CFAP20: variants seen among roughly 807,000 people sequenced by gnomAD.
CFAP20 encodes cilia- and flagella-associated protein 20.
CFAP20 carries 14 observed loss-of-function variants against 25.5 expected under a neutral mutation model. The observed-to-expected ratio is 0.55, with a 90% CI of 0.36 to 0.86. The LOEUF is 0.86. Among genes scored for constraint, CFAP20 ranks in the 40% least tolerant of loss-of-function variants. CFAP20 has a pLI of 0.01. For synonymous variants in CFAP20, 75 were observed against 91.1 expected, an observed-to-expected ratio of 0.82 and a Z score of 1.01; for missense variants, 181 against 248.0, an observed-to-expected ratio of 0.73 and a Z score of 1.81.
chr16:58,125,171 CAT>C (rs1386022933), intron 1 of CFAP20, among the ~76,000 whole-genome samples: 5 of 152,150 alleles, frequency 3.3e-5, no homozygotes, highest in African/African-American at 9.7e-5. Flanking sequence ...CAAACACACA[CAT>C]GAGCCCAGGC....
intron 1 of CFAP20, among the ~76,000 whole-genome samples, chr16:58,123,405 G>A (rs1191188516): frequency 6.7e-6 from 1 of 148,532 alleles, no homozygotes; most frequent in African/African-American, 2.4e-5. Context: ...GACCATCCTG[G>A]CTAACACGGT....
chr16:58,120,071 G>GTCTT (rs1274978019), intron 1 of CFAP20, among the ~76,000 whole-genome samples: 1 of 152,154 alleles, frequency 6.6e-6, no homozygotes, highest in African/African-American at 2.4e-5. Flanking sequence ...TATTCCTCCT[G>GTCTT]TATTTTCTGT....
intron 1 of CFAP20, 39 bp downstream of exon 1, chr16:58,128,993 A>C: frequency 6.3e-7 from 1 of 1,579,492 alleles, no homozygotes; most frequent in Non-Finnish European, 8.6e-7. Flanking sequence ...GAGGGGGTGC[A>C]GCCCCTCCAC....
In CFAP20 at chr16:58,114,937, T is replaced by G. The variant is rs778131124; in HGVS notation, c.466-17A>C. 1 of 1,590,888 alleles carries G rather than the reference T, an allele frequency of 6.3e-7. No individual in the cohort carries two copies. The highest frequency in any genetic ancestry group is 1.7e-5 in the Admixed American group (1 of 59,974). On this transcript the variant is annotated splice_polypyrimidine_tract_variant and intron_variant, in intron 4 of 5. Transcript: ENST00000262498. Reference sequence around the variant, plus strand: ...TGCATGGATCTGTCAAGGCAATGCTTCTTTTGAGAGGCGAAATGTGACTGT... The same window carrying G: ...TGCATGGATCTGTCAAGGCAATGCTGCTTTTGAGAGGCGAAATGTGACTGT...
intron 1 of CFAP20, among the ~76,000 whole-genome samples, chr16:58,124,383 C>T (rs1349818467): frequency 1.3e-5 from 2 of 152,236 alleles, no homozygotes; most frequent in African/African-American, 4.8e-5. Context: ...GTACTAACTA[C>T]AGTCATGCAT....
intron 1 of CFAP20, among the ~76,000 whole-genome samples, chr16:58,120,780 G>A (rs1460993294): frequency 1.3e-5 from 2 of 152,138 alleles, no homozygotes; most frequent in African/African-American, 2.4e-5. Flanking sequence ...GAACTTGGAG[G>A]GGTCAAGGCA....
chr16:58,121,222 C>T (rs1597087977), intron 1 of CFAP20, among the ~76,000 whole-genome samples: 2 of 152,284 alleles, frequency 1.3e-5, no homozygotes, highest in African/African-American at 4.8e-5. Context: ...GGAAAGCAAC[C>T]GTCTCCTAAA....
chr16:58,117,328 T>C (rs75232027), intron 1 of CFAP20, among the ~76,000 whole-genome samples: 5,886 of 152,338 alleles, frequency 0.039, 158 homozygotes, highest in South Asian at 0.15. Context: ...ATGTGGACAT[T>C]GGCACCCCGG....
chr16:58,128,890 G>C, intron 1 of CFAP20, 142 bp downstream of exon 1: 2 of 278,090 alleles, frequency 7.2e-6, no homozygotes, highest in South Asian at 1.3e-4. Context: ...CCCCAGTCCC[G>C]CCAGGCTGGG....
chr16:58,117,454 A>G (rs541606092), intron 1 of CFAP20, among the ~76,000 whole-genome samples: 69 of 152,126 alleles, frequency 4.5e-4, no homozygotes, highest in African/African-American at 1.6e-3. Flanking sequence ...TCTGAGACGG[A>G]GTCTCGCCCT....
At chr16:58,117,093 C>CTAT in intron 1 of CFAP20, 142 bp from the exon 2 acceptor site, 1 of 669,300 alleles carries the variant, frequency 1.5e-6, no homozygotes, top group Non-Finnish European at 2.6e-6. Context: ...GTAAGCCAAG[C>CTAT]TATTACCTCT....
At chr16:58,115,080 C>A in intron 4 of CFAP20, 160 bp from the exon 5 acceptor site, 1 of 966,078 alleles carries the variant, frequency 1.0e-6, no homozygotes, top group Non-Finnish European at 1.6e-6. Flanking sequence ...GTCTTACTTG[C>A]TGTATTCACC....
In CFAP20 at chr16:58,113,768, C is replaced by T. The variant is rs533237940; in HGVS notation, c.*257G>A. 2.0e-6 allele frequency: 1 copy of T among 495,352 alleles called. No homozygotes were observed. Among genetic ancestry groups the T allele is most frequent in the East Asian group, 3.3e-5 (1 of 29,938 alleles). 30.7% of individuals were successfully genotyped at this position (495,352 alleles called of 1,614,324 possible). A position where few individuals can be genotyped will look rare whatever the true frequency, so the allele number is the denominator to read the frequency against. ...AGTTCATGGTAAAGGTATCTCCCCC[C>T]ACACTGGGGCAGGCGGCGGAATAAG... On this transcript the variant is annotated 3_prime_UTR_variant, in exon 6 of 6. Coordinates refer to ENST00000262498, the MANE Select transcript of CFAP20 (RefSeq NM_013242.3).
chr16:58,114,828 T>C lies in CFAP20; in HGVS notation c.558A>G (p.Pro186=), dbSNP rs747067658. The C allele has an allele frequency of 6.2e-7, 1 of 1,613,624 alleles. No individual in the cohort carries two copies. The highest frequency in any genetic ancestry group is 8.5e-7 in the Non-Finnish European group (1 of 1,179,522). ...GGCTTACCTTTGCCTTGTTCTGAAC[T>C]GGGAGATACAGTTTGAACTCTGCCG... The part of the protein sequence containing the change: ...ELPAEFKLYL[P]VQNKAKQ Residue 186 remains proline (P), a synonymous_variant, in exon 5 of 6, where the codon CCA becomes CCG. Coordinates refer to ENST00000262498, the MANE Select transcript of CFAP20 (RefSeq NM_013242.3).
At chr16:58,114,137 T>A (rs1960423029) in intron 5 of CFAP20, 107 bp from the exon 6 acceptor site, 3 of 1,196,296 alleles carry the variant, frequency 2.5e-6, no homozygotes, top group Non-Finnish European at 3.7e-6. Context: ...ACAGTGACTG[T>A]GGAGAATGGA....
rs1960671455 is a variant in CFAP20 at position 58,129,141 on chromosome 16, G to A, written c.-26C>T. On this transcript the variant is annotated 5_prime_UTR_variant, in exon 1 of 6. Transcript: ENST00000262498. ...CTCGCCGGCGGCCTTCTCCTAAGCC[G>A]CCCCCGGAGCCGACCTAGGCCCCGG... 5 of 1,611,610 alleles carry A rather than the reference G, an allele frequency of 3.1e-6. No individual in the cohort carries two copies. The highest frequency in any genetic ancestry group is 1.1e-5 in the South Asian group (1 of 90,934).
intron 1 of CFAP20, 120 bp downstream of exon 1, chr16:58,128,912 G>T: frequency 2.1e-6 from 2 of 938,104 alleles, no homozygotes; most frequent in Non-Finnish European, 2.9e-6. Flanking sequence ...ACAAGGCACA[G>T]CAGCGTCCTC....
intron 1 of CFAP20, among the ~76,000 whole-genome samples, chr16:58,122,176 G>A (rs1367954165): frequency 1.3e-5 from 2 of 152,228 alleles, no homozygotes; most frequent in African/African-American, 2.4e-5. Flanking sequence ...CGCTGTACTT[G>A]ACAGGGGCTA....
intron 3 of CFAP20, 147 bp from the exon 4 acceptor site, chr16:58,115,604 A>G (rs1322493251): frequency 4.4e-6 from 4 of 907,946 alleles, no homozygotes; most frequent in Non-Finnish European, 6.6e-6. Context: ...CAGGTCATAC[A>G]CTGCATGCAG....
Sources: gnomAD v4.1 joint callset for allele counts (sites outside exome capture counted in the v4.1 genomes callset) on GRCh38, gnomAD v4.1.1 for gene constraint, MANE v1.5 for transcripts, NCBI Gene and HGNC (gene_info 2026-07-23, HGNC 2026-07-21) for gene names.